The following DNHD1 variants were observed in gnomAD, a reference collection of about 807,000 sequenced individuals.
The protein encoded by DNHD1 is dynein heavy chain domain 1, also known as dynein heavy chain domain-containing protein 1.
A neutral mutation model predicts 458.1 loss-of-function variants in DNHD1; 383 were observed. The observed-to-expected ratio is 0.84, with a 90% CI of 0.77 to 0.91. The LOEUF is 0.91. Ranked by LOEUF, DNHD1 falls within the 40% of genes least tolerant of loss-of-function variation. The pLI is 0.00. For synonymous variants in DNHD1, 2,203 were observed against 2,376.9 expected, an observed-to-expected ratio of 0.93 and a Z score of 2.13; for missense variants, 5,336 against 5,866.1, an observed-to-expected ratio of 0.91 and a Z score of 2.95.
chr11:6,563,870 C>G lies in DNHD1; in HGVS notation c.10030C>G (p.Leu3344Val). ...LHYGLAHCRG[L>V]PTDLLLQQVE... ...CTATGGGCTGGCGCATTGCCGGGGA[C>G]TGCCCACGGACCTGCTGCTGCAGCA... Residue 3344 changes from leucine to valine, a missense_variant, in exon 31 of 43, where the codon CTG becomes GTG. By Grantham distance (32) the Leu-to-Val change is conservative (BLOSUM62 1). Around this residue, in one of 4 missense-constraint regions of DNHD1, gnomAD observed 3,932 missense variants for 4,365.6 expected, o/e 0.90. Transcript: ENST00000254579. 6.4e-7 allele frequency: 1 copy of G among 1,551,726 alleles called. No homozygotes were observed. Among genetic ancestry groups the G allele is most frequent in the Non-Finnish European group, 8.7e-7 (1 of 1,147,010 alleles).
intron 12 of DNHD1, among the ~76,000 whole-genome samples, chr11:6,530,671 C>G (rs1273665077): frequency 1.3e-5 from 2 of 152,166 alleles, no homozygotes; most frequent in African/African-American, 4.8e-5. Context: ...CCTTCCCTGT[C>G]TTGGCTCTCA....
Position 6,509,142 on chromosome 11 carries a change from C to T in DNHD1, c.1125-20C>T. On this transcript the variant is annotated intron_variant, in intron 5 of 42. Transcript: ENST00000254579. ...ATGGATGACAGCAACAGTATATTATCACTGACCTCTAATTTCTAGTTGGAA... is the reference window on the plus strand; with the variant it reads ...ATGGATGACAGCAACAGTATATTATTACTGACCTCTAATTTCTAGTTGGAA... The T allele has an allele frequency of 6.2e-7, 1 of 1,614,008 alleles. No homozygotes were observed. The highest frequency in any genetic ancestry group is 8.5e-7 in the Non-Finnish European group (1 of 1,179,918).
At chr11:6,507,482 T>C (rs1852251620) in intron 4 of DNHD1, among the ~76,000 whole-genome samples, 1 of 152,240 alleles carries the variant, frequency 6.6e-6, no homozygotes, top group African/African-American at 2.4e-5. Flanking sequence ...CAGTTTTCTT[T>C]ATATAACTCA....
Position 6,546,729 on chromosome 11 carries a change from G to A in DNHD1, c.5790G>A (p.Gly1930=). ...LNGLHLHNLR[G]LLCALFPSAS... Reference sequence around the variant, plus strand: ...GGCTCCACCTGCACAACCTCCGAGGGCTGTTGTGTGCGCTTTTCCCTAGCG... The same window carrying A: ...GGCTCCACCTGCACAACCTCCGAGGACTGTTGTGTGCGCTTTTCCCTAGCG... The change falls in exon 21 of 43, where the codon GGG becomes GGA. Residue 1930 remains glycine (G), a synonymous_variant. Coordinates refer to ENST00000254579, the MANE Select transcript of DNHD1 (RefSeq NM_144666.3). 4 of 1,551,754 alleles carry A rather than the reference G, an allele frequency of 2.6e-6. No homozygotes were observed. The South Asian group carries it at 3.6e-5, about 14-fold the overall frequency.
rs896525689 is a variant in DNHD1 at position 6,505,892 on chromosome 11, A to G, written c.920+2966A>G. ...GGCTGTAATGATAGTAATGGTAACA[A>G]TGTGGGATGGAATGCCTACAAACCA... On this transcript the variant is annotated intron_variant, in intron 4 of 42. Transcript: ENST00000254579. This position sits in a 1 kb window ranked among gnomAD's most constrained non-coding sequence, Gnocchi z 4.4. Among the ~76,000 whole-genome samples the G allele has an allele frequency of 6.6e-6, 1 of 152,248 alleles. No individual in the cohort carries two copies. Among genetic ancestry groups the G allele is most frequent in the Non-Finnish European group, 1.5e-5 (1 of 68,042 alleles).
At chr11:6,564,161 C>G in intron 31 of DNHD1, 37 bp downstream of exon 31, 1 of 1,537,404 alleles carries the variant, frequency 6.5e-7, no homozygotes, top group Non-Finnish European at 8.8e-7. Flanking sequence ...CCCCAAAGTT[C>G]CTTTTATGCC....
chr11:6,523,193 A>G (rs1196284905), intron 10 of DNHD1, among the ~76,000 whole-genome samples: 2 of 152,234 alleles, frequency 1.3e-5, no homozygotes, highest in Admixed American at 6.5e-5. Context: ...AATTTTAATT[A>G]TATAATCTCT....
At chr11:6,520,505 G>A (rs375090918) in intron 10 of DNHD1, 7 of 1,410,126 alleles carry the variant, frequency 5.0e-6, no homozygotes, top group East Asian at 2.6e-5. Flanking sequence ...GTGTATGTGC[G>A]TGCAATGAGA....
In DNHD1 at chr11:6,497,631, G is replaced by A. The variant is rs1303779983; in HGVS notation, c.-482G>A. ...GATTCCTTGCTGTGACCGAGGTTCA[G>A]AGTGAGCTCTGTCGGTGTGTCAGTT... On this transcript the variant is annotated 5_prime_UTR_variant, in exon 2 of 43. Transcript: ENST00000254579. 1.3e-5 allele frequency: 2 copies of A among 153,444 alleles called. No individual in the cohort carries two copies. Among genetic ancestry groups the A allele is most frequent in the Non-Finnish European group, 2.9e-5 (2 of 68,842 alleles). 9.5% of individuals were successfully genotyped at this position (153,444 alleles called of 1,614,324 possible).
At chr11:6,568,396 T>G in intron 37 of DNHD1, 58 bp from the exon 38 acceptor site, 1 of 1,603,862 alleles carries the variant, frequency 6.2e-7, no homozygotes, top group Non-Finnish European at 8.5e-7. Flanking sequence ...GTCTGATTCC[T>G]AGACTTCTGC....
chr11:6,541,497 G>A (rs1019179487), intron 18 of DNHD1, among the ~76,000 whole-genome samples: 13 of 152,216 alleles, frequency 8.5e-5, no homozygotes, highest in African/African-American at 2.4e-4. Context: ...TTTCAGTTCA[G>A]TTAGGGCTTT....
At chr11:6,544,297 T>C in intron 19 of DNHD1, 51 bp downstream of exon 19, 2 of 1,548,356 alleles carry the variant, frequency 1.3e-6, no homozygotes, top group South Asian at 2.4e-5. Context: ...AGGCAGGATG[T>C]CCCAGAGGGA....
chr11:6,544,876 G>T lies in DNHD1; in HGVS notation c.3937G>T (p.Val1313Leu), dbSNP rs978755588. 3.9e-6 allele frequency: 6 copies of T among 1,551,546 alleles called. No homozygotes were observed. Among genetic ancestry groups the T allele is most frequent in the Non-Finnish European group, 4.4e-6 (5 of 1,146,992 alleles). ...TGACCCCATGGTTCTGTCACTTGTA[G>T]TGCCCAGTGCCGAGAGGAGCCCTTA... is the stretch of plus-strand genomic sequence containing the variant. ...VADPMVLSLV[V>L]PSAERSPYFQ... Residue 1313 changes from valine (V) to leucine (L), a missense_variant, in exon 21 of 43, where the codon GTG becomes TTG. Physicochemically the swap from Val to Leu is conservative, Grantham distance 32. Around this residue, in one of 4 missense-constraint regions of DNHD1, gnomAD observed 3,932 missense variants for 4,365.6 expected, o/e 0.90. Coordinates refer to ENST00000254579, the MANE Select transcript of DNHD1 (RefSeq NM_144666.3).
At position 6,509,196 on chromosome 11, in the gene DNHD1, C is replaced by G. The variant is rs934040552; in HGVS notation, c.1159C>G (p.Arg387Gly). The G allele has an allele frequency of 6.2e-7, 1 of 1,614,106 alleles. No individual in the cohort carries two copies. The highest frequency in any genetic ancestry group is 8.5e-7 in the Non-Finnish European group (1 of 1,180,040). ...KKNVRLQGLH[R>G]LQKFLENHLL... ...GAATGTGAGATTACAGGGGCTGCAT[C>G]GACTCCAGAAATTCCTAGAGAATCA... Residue 387 changes from arginine (R) to glycine (G), a missense_variant, in exon 6 of 43, where the codon CGA (arginine) becomes GGA (glycine). Transcript: ENST00000254579.
intron 7 of DNHD1, among the ~76,000 whole-genome samples, chr11:6,516,720 C>A (rs1158030710): frequency 6.6e-6 from 1 of 152,072 alleles, no homozygotes; most frequent in Non-Finnish European, 1.5e-5. Flanking sequence ...CTAGTGCTTA[C>A]TGTAGGGTAT....
In DNHD1 at chr11:6,526,165, A is replaced by T. The variant is rs1185365030; in HGVS notation, c.1838-2357A>T. On this transcript the variant is annotated intron_variant, in intron 10 of 42. Coordinates refer to ENST00000254579, the MANE Select transcript of DNHD1 (RefSeq NM_144666.3). The stretch of plus-strand genomic sequence containing the variant: ...CCTTTTTAGTTGTATAATTACCCTT[A>T]TTTTGCCTTCTATTTTTCTTGAGAA... 2.0e-5 allele frequency among the ~76,000 whole-genome samples: 3 copies of T among 150,420 alleles called. No individual in the cohort carries two copies. In the East Asian group the frequency reaches 5.9e-4, roughly 29 times the overall value.
Position 6,563,154 on chromosome 11 carries a change from C to A in DNHD1, c.9669+23C>A, listed in dbSNP as rs965992471. ...CAGGTGGGCTCTTCCTGCCGCCTGC[C>A]CTGCACTGCTCCTCTCTCAAAAGAG... On this transcript the variant is annotated intron_variant, in intron 29 of 42. Transcript: ENST00000254579. The A allele has an allele frequency of 3.9e-6, 6 of 1,551,466 alleles. No individual in the cohort carries two copies. In the Admixed American group the frequency reaches 1.2e-4, roughly 30 times the overall value.
chr11:6,550,775 AAAAG>A (rs1400557556), intron 24 of DNHD1, among the ~76,000 whole-genome samples: 1 of 152,262 alleles, frequency 6.6e-6, no homozygotes, highest in Admixed American at 6.5e-5. Context: ...CCAGAGATAG[AAAAG>A]GACATCTCAT....
Position 6,558,072 on chromosome 11 carries a change from G to A in DNHD1, c.8777G>A (p.Cys2926Tyr). ...GGGTCAGAGGAGGCCATTCTCCAAT[G>A]TCTACGAGATGCCAGCTGGCATGCT... ...PSGSEEAILQ[C>Y]LRDASWHAGM... The change falls in exon 25 of 43, where the codon TGT (cysteine) becomes TAT (tyrosine). Residue 2926 changes from cysteine to tyrosine, a missense_variant. By Grantham distance (194) the Cys-to-Tyr change is radical (BLOSUM62 -2). Transcript: ENST00000254579. 2 of 1,551,712 alleles carry A rather than the reference G, an allele frequency of 1.3e-6. No individual in the cohort carries two copies. The highest frequency in any genetic ancestry group is 8.7e-7 in the Non-Finnish European group (1 of 1,146,992).
Sources: allele counts gnomAD v4.1 joint callset (sites outside exome capture counted in the v4.1 genomes callset), GRCh38; gene constraint gnomAD v4.1.1; regional missense constraint gnomAD v4.1.1; non-coding constraint Gnocchi (gnomAD v3.1); transcripts MANE v1.5; gene names NCBI Gene and HGNC (gene_info 2026-07-23, HGNC 2026-07-21).